The following DGCR8 variants were observed in gnomAD, a reference collection of about 807,000 sequenced individuals.
DGCR8 encodes microprocessor complex subunit DGCR8.
DGCR8 carries 14 observed loss-of-function variants against 78.5 expected under a neutral mutation model. That is an observed-to-expected ratio of 0.18 (90% CI 0.12 to 0.28). The LOEUF (loss-of-function observed/expected upper bound fraction) is 0.28. Among genes scored for constraint, DGCR8 ranks in the 10% least tolerant of loss-of-function variants. The probability of loss-of-function intolerance (pLI) is 1.00; values close to 1 mark genes in which losing one functional copy is unlikely to be tolerated. For missense variants in DGCR8, 702 were observed against 1,022.5 expected (o/e 0.69, Z 4.28); for synonymous variants, 399 against 402.4 (o/e 0.99, Z 0.10).
Position 20,110,089 on chromosome 22 carries a change from T to C in DGCR8, c.2303T>C (p.Leu768Pro). 1 of 1,611,348 alleles carries C rather than the reference T, an allele frequency of 6.2e-7. No homozygotes were observed. The highest frequency in any genetic ancestry group is 8.5e-7 in the Non-Finnish European group (1 of 1,179,972). Residue 768 changes from leucine (L) to proline (P), a missense_variant, in exon 14 of 14, where the codon CTG becomes CCG. By Grantham distance (98) the Leu-to-Pro change is moderately conservative. Transcript: ENST00000351989. ...TCCGCCCAGCCTGGCGGTGAGCCCC[T>C]GTGCACCGTGGACGTGTGAGGGAGG... The part of the protein sequence containing the change: ...VASAQPGGEP[L>P]CTVDV
intron 9 of DGCR8, among the ~76,000 whole-genome samples, chr22:20,105,143 A>G (rs1197377229): frequency 1.3e-5 from 2 of 152,252 alleles, no homozygotes; most frequent in African/African-American, 4.8e-5. Flanking sequence ...ACACTGAAGC[A>G]GAGCAGTGGT....
Position 20,110,265 on chromosome 22 carries a change from A to C in DGCR8, c.*157A>C, listed in dbSNP as rs1280526516. On this transcript the variant is annotated 3_prime_UTR_variant, in exon 14 of 14. Transcript: ENST00000351989. Reference sequence around the variant, plus strand: ...CCTTAGGGTGGAGGCTTTAGTGTACAGGGACAGCCATGGCCACACAGCACA... The same window carrying C: ...CCTTAGGGTGGAGGCTTTAGTGTACCGGGACAGCCATGGCCACACAGCACA... The C allele has an allele frequency of 2.9e-6, 2 of 679,812 alleles. No homozygotes were observed. The highest frequency in any genetic ancestry group is 1.8e-5 in the African/African-American group (1 of 55,622). 42.1% of individuals were successfully genotyped at this position (679,812 alleles called of 1,614,324 possible).
intron 9 of DGCR8, among the ~76,000 whole-genome samples, chr22:20,096,172 TTAAAG>T (rs1430022244): frequency 6.6e-6 from 1 of 152,132 alleles, no homozygotes; most frequent in African/African-American, 2.4e-5. Context: ...TATTCTTACA[TTAAAG>T]TAAGTTACAA....
chr22:20,082,281 A>G (rs1250104851), intron 1 of DGCR8, among the ~76,000 whole-genome samples: 1 of 151,286 alleles, frequency 6.6e-6, no homozygotes, highest in African/African-American at 2.4e-5. Flanking sequence ...GCTGGTCTCG[A>G]ACTCCTGGCC....
At chr22:20,101,727 G>T in intron 9 of DGCR8, 1 of 985,372 alleles carries the variant, frequency 1.0e-6, no homozygotes, top group Non-Finnish European at 1.2e-6. Context: ...CTATTTGCTG[G>T]TCCTCCCTAG....
At position 20,087,400 on chromosome 22, in the gene DGCR8, A is replaced by G; in HGVS notation, c.880+79A>G. 6.7e-7 allele frequency: 1 copy of G among 1,494,634 alleles called. No individual in the cohort carries two copies. Among genetic ancestry groups the G allele is most frequent in the Non-Finnish European group, 9.0e-7 (1 of 1,110,118 alleles). The allele number at this position is 1,494,634 out of a possible 1,614,324, so 92.6% of individuals were successfully genotyped here. On this transcript the variant is annotated intron_variant, in intron 3 of 13. Transcript: ENST00000351989. This position sits in a 1 kb window ranked among gnomAD's most constrained non-coding sequence, Gnocchi z 4.1. ...GCTTCCTTAGCAGAAATGCTTTGAG[A>G]GAGCTCTGGTGCCAGGTAGTGGGCT...
intron 9 of DGCR8, chr22:20,100,777 C>G (rs953160523): frequency 2.0e-6 from 2 of 985,418 alleles, no homozygotes; most frequent in Non-Finnish European, 2.4e-6. Flanking sequence ...CCGCTGTAGA[C>G]TCCCCTGCCT....
Position 20,092,239 on chromosome 22 carries a change from G to A in DGCR8, c.1606+269G>A, listed in dbSNP as rs538045714. ...CTGCCTTGCTGGTTTCTGATCCTGC[G>A]TTGTCATGGACAGCCTTATTGCGAG... On this transcript the variant is annotated intron_variant, in intron 7 of 13. Transcript: ENST00000351989. Among the ~76,000 whole-genome samples the A allele has an allele frequency of 3.3e-5, 5 of 152,228 alleles. No homozygotes were observed. The East Asian group carries it at 5.8e-4, about 18-fold the overall frequency.
chr22:20,086,852 C>G lies in DGCR8; in HGVS notation c.720+169C>G, dbSNP rs1420307169. On this transcript the variant is annotated intron_variant, in intron 2 of 13. Transcript: ENST00000351989. This position sits in a 1 kb window ranked among gnomAD's most constrained non-coding sequence, Gnocchi z 6.4. ...TGGAGAAGAGAAAGATGTAAGGAGT[C>G]CAGATTTTTAAAGTTTCCTAATGAA... The G allele has an allele frequency of 5.4e-6, 5 of 923,730 alleles. No homozygotes were observed. Among genetic ancestry groups the G allele is most frequent in the Non-Finnish European group, 7.9e-6 (5 of 636,106 alleles). 57.2% of individuals were successfully genotyped at this position (923,730 alleles called of 1,614,324 possible). A position where few individuals can be genotyped will look rare whatever the true frequency, so the allele number is the denominator to read the frequency against.
rs1052027660 is a variant in DGCR8, at chr22:20,085,058, AC to A, written c.-277-625del. On this transcript the variant is annotated intron_variant, in intron 1 of 13. Coordinates refer to ENST00000351989, the MANE Select transcript of DGCR8 (RefSeq NM_022720.7). The surrounding 1 kb of genome is among the most constrained non-coding windows in gnomAD (Gnocchi z 6.2). ...GCAGGTCCCTTCCCCACAGCCACCC[AC>A]CCCTCTCCTCCATCGGGAACAGAAC... 1 of 968,592 alleles carries A rather than the reference AC, an allele frequency of 1.0e-6. No individual in the cohort carries two copies. The highest frequency in any genetic ancestry group is 1.8e-5 in the African/African-American group (1 of 54,906). 60.0% of individuals were successfully genotyped at this position (968,592 alleles called of 1,614,324 possible). A position where few individuals can be genotyped will look rare whatever the true frequency, so the allele number is the denominator to read the frequency against.
intron 9 of DGCR8, among the ~76,000 whole-genome samples, chr22:20,105,322 G>A (rs1429689055): frequency 1.3e-5 from 2 of 152,216 alleles, no homozygotes; most frequent in Admixed American, 6.5e-5. Flanking sequence ...CTGAGGCCTT[G>A]ATTTCAGACT....
Position 20,090,022 on chromosome 22 carries a change from A to T in DGCR8, c.1070A>T (p.Lys357Ile). 6.2e-7 allele frequency: 1 copy of T among 1,614,048 alleles called. No homozygotes were observed. The highest frequency in any genetic ancestry group is 1.3e-5 in the African/African-American group (1 of 75,046). ...AGCATCCCTTGTCTGCATTATAAGA[A>T]AATGAAGGACAACGAGGAACGGGAG... ...LSSIPCLHYK[K>I]MKDNEEREQS... The change falls in exon 5 of 14, where the codon AAA becomes ATA. Residue 357 changes from lysine (K) to isoleucine (I), a missense_variant. Lys to Ile is a moderately radical substitution (Grantham distance 102). Coordinates refer to ENST00000351989, the MANE Select transcript of DGCR8 (RefSeq NM_022720.7).
At chr22:20,097,991 G>T (rs574622247) in intron 9 of DGCR8, among the ~76,000 whole-genome samples, 44 of 151,240 alleles carry the variant, frequency 2.9e-4, no homozygotes, top group South Asian at 4.2e-4. Flanking sequence ...GCTGGGTGTG[G>T]TGGTGGGCAC....
At chr22:20,101,689 G>T (rs1747769938) in intron 9 of DGCR8, 1 of 985,254 alleles carries the variant, frequency 1.0e-6, no homozygotes, top group African/African-American at 1.7e-5. Flanking sequence ...TTAGACAGGG[G>T]TGGCCATCTC....
Position 20,090,059 on chromosome 22 carries a change from C to T in DGCR8, c.1107C>T (p.Asp369=), listed in dbSNP as rs1231372268. ...KDNEEREQSS[D]LTPSGDVSPV... ...ACGAGGAACGGGAGCAAAGCAGTGA[C>T]CTCACCCCTAGTGGGGATGTGTCCC... is the stretch of plus-strand genomic sequence containing the variant. Residue 369 remains aspartate, a synonymous_variant, in exon 5 of 14, where the codon GAC becomes GAT. Transcript: ENST00000351989. 1 of 1,614,238 alleles carries T rather than the reference C, an allele frequency of 6.2e-7. No homozygotes were observed. Among genetic ancestry groups the T allele is most frequent in the Admixed American group, 1.7e-5 (1 of 60,026 alleles).
At chr22:20,108,497 C>T in intron 12 of DGCR8, 1 of 212,502 alleles carries the variant, frequency 4.7e-6, no homozygotes. Flanking sequence ...GCAGAGAGCT[C>T]AGTGCCTGAG....
chr22:20,096,116 G>A (rs1377617107), intron 9 of DGCR8, among the ~76,000 whole-genome samples: 2 of 152,102 alleles, frequency 1.3e-5, no homozygotes, highest in African/African-American at 4.8e-5. Flanking sequence ...GCCATGGATT[G>A]GTACCAGTCC....
chr22:20,106,239 G>T lies in DGCR8; in HGVS notation c.1851G>T (p.Leu617=). ...RVYELTSKAG[L]LSPYQILHEC... Reference sequence around the variant, plus strand: ...ACGAGCTGACCAGCAAGGCTGGGCTGTTGTCTCCATATCAGATCCTCCACG... The same window carrying T: ...ACGAGCTGACCAGCAAGGCTGGGCTTTTGTCTCCATATCAGATCCTCCACG... The change falls in exon 10 of 14, where the codon CTG becomes CTT. Residue 617 remains leucine (L), a synonymous_variant. Coordinates refer to ENST00000351989, the MANE Select transcript of DGCR8 (RefSeq NM_022720.7). The T allele has an allele frequency of 6.2e-7, 1 of 1,613,982 alleles. No individual in the cohort carries two copies. Among genetic ancestry groups the T allele is most frequent in the Non-Finnish European group, 8.5e-7 (1 of 1,180,034 alleles).
chr22:20,092,415 G>A (rs1456916470), intron 7 of DGCR8, among the ~76,000 whole-genome samples: 1 of 152,144 alleles, frequency 6.6e-6, no homozygotes, highest in East Asian at 1.9e-4. Flanking sequence ...TCTTCCCCTT[G>A]GAAGCTGGAG....
Sources: gnomAD v4.1 joint callset for allele counts (sites outside exome capture counted in the v4.1 genomes callset) on GRCh38, gnomAD v4.1.1 for gene constraint, Gnocchi (gnomAD v3.1) non-coding constraint, MANE v1.5 for transcripts, NCBI Gene and HGNC (gene_info 2026-07-23, HGNC 2026-07-21) for gene names.